The following VPS26A variants were observed in gnomAD, a reference collection of about 807,000 sequenced individuals.
VPS26A encodes the protein vacuolar protein sorting-associated protein 26A.
VPS26A carries 22 observed loss-of-function variants against 42.4 expected under a neutral mutation model. The observed-to-expected ratio is 0.52, with a 90% CI of 0.37 to 0.74. VPS26A has a LOEUF of 0.74. VPS26A is among the 30% of genes least tolerant of loss of function. VPS26A has a pLI of 0.00. For missense variants in VPS26A, 276 were observed against 379.2 expected (o/e 0.73, Z 2.26); for synonymous variants, 110 against 123.5 (o/e 0.89, Z 0.73).
At chr10:69,162,209 T>G (rs1480170505) in intron 5 of VPS26A, among the ~76,000 whole-genome samples, 197 bp from the exon 6 acceptor site, 1 of 152,042 alleles carries the variant, frequency 6.6e-6, no homozygotes, top group African/African-American at 2.4e-5. Flanking sequence ...AGGATGGTCT[T>G]GAACTCCTGA....
intron 2 of VPS26A, among the ~76,000 whole-genome samples, chr10:69,146,467 A>G (rs1012567880): frequency 3.3e-5 from 5 of 152,228 alleles, no homozygotes; most frequent in African/African-American, 1.2e-4. Flanking sequence ...AAAGTATATA[A>G]TTCAGTGGAA....
intron 1 of VPS26A, among the ~76,000 whole-genome samples, chr10:69,127,727 CTTTTTTTTTT>C (rs572346560): frequency 3.5e-5 from 3 of 85,068 alleles, no homozygotes; most frequent in African/African-American, 4.8e-5. Flanking sequence ...TTAAAAATAT[CTTTTTTTTTT>C]TTTTTTTTTT....
intron 2 of VPS26A, among the ~76,000 whole-genome samples, chr10:69,146,474 G>A (rs183052809): frequency 6.6e-6 from 1 of 152,170 alleles, no homozygotes; most frequent in East Asian, 1.9e-4. Context: ...ATAATTCAGT[G>A]GAATTAATTC....
At chr10:69,165,943 C>A in intron 6 of VPS26A, 99 bp from the exon 7 acceptor site, 1 of 1,201,612 alleles carries the variant, frequency 8.3e-7, no homozygotes, top group Non-Finnish European at 1.2e-6. Flanking sequence ...GAGACACCGT[C>A]TCTAAAAAAA....
chr10:69,152,555 T>C (rs986174511), intron 2 of VPS26A, among the ~76,000 whole-genome samples: 2 of 152,262 alleles, frequency 1.3e-5, no homozygotes, highest in African/African-American at 4.8e-5. Flanking sequence ...AATATTTTAA[T>C]CTATGCAGTT....
chr10:69,162,290 T>C, intron 5 of VPS26A, 116 bp from the exon 6 acceptor site: 1 of 540,064 alleles, frequency 1.9e-6, no homozygotes, highest in Non-Finnish European at 3.2e-6. Flanking sequence ...GTGCCCAGCC[T>C]CAAAATGGCT....
intron 1 of VPS26A, among the ~76,000 whole-genome samples, chr10:69,125,747 T>C (rs1276490707): frequency 6.6e-6 from 1 of 152,192 alleles, no homozygotes; most frequent in Admixed American, 6.5e-5. Flanking sequence ...GCTGTTTCAT[T>C]GCTTGTGTAT....
chr10:69,158,664 A>C (rs995996214), intron 5 of VPS26A, among the ~76,000 whole-genome samples: 41 of 152,008 alleles, frequency 2.7e-4, no homozygotes, highest in African/African-American at 9.7e-4. Context: ...CTTGTGTTTA[A>C]TGCCTTTTTA....
intron 2 of VPS26A, among the ~76,000 whole-genome samples, chr10:69,140,073 G>GT (rs112819751): frequency 0.045 from 6,375 of 141,788 alleles, 456 homozygotes; most frequent in African/African-American, 0.15. Flanking sequence ...TTTCCCCAAT[G>GT]TTTTTTTTTT....
chr10:69,138,481 A>G (rs1195254238), intron 2 of VPS26A, among the ~76,000 whole-genome samples: 6 of 152,178 alleles, frequency 3.9e-5, no homozygotes, highest in South Asian at 4.1e-4. Context: ...GCTAACTGGT[A>G]TGACAAGATG....
At chr10:69,140,634 C>T (rs577492500) in intron 2 of VPS26A, among the ~76,000 whole-genome samples, 101 of 152,328 alleles carry the variant, frequency 6.6e-4, no homozygotes, top group Non-Finnish European at 1.4e-3. Flanking sequence ...ATCCACCTGT[C>T]TCAGCCTCCC....
intron 3 of VPS26A, among the ~76,000 whole-genome samples, chr10:69,156,762 A>G (rs1259443407): frequency 6.6e-6 from 1 of 152,056 alleles, no homozygotes; most frequent in African/African-American, 2.4e-5. Flanking sequence ...GAGAGCCCCA[A>G]CTACATCAAA....
chr10:69,141,850 G>A (rs1841046681), intron 2 of VPS26A, among the ~76,000 whole-genome samples: 1 of 151,972 alleles, frequency 6.6e-6, no homozygotes, highest in African/African-American at 2.4e-5. Context: ...CCATGACCCA[G>A]GTATTCCTTC....
intron 1 of VPS26A, among the ~76,000 whole-genome samples, chr10:69,127,995 G>T (rs963499776): frequency 6.6e-6 from 1 of 151,846 alleles, no homozygotes; most frequent in East Asian, 1.9e-4. Flanking sequence ...ACTGTGTTCT[G>T]CTACTTTTTT....
chr10:69,151,995 T>G (rs1841322887), intron 2 of VPS26A, among the ~76,000 whole-genome samples: 1 of 152,158 alleles, frequency 6.6e-6, no homozygotes, highest in African/African-American at 2.4e-5. Context: ...CTGACTTTAA[T>G]AGTATTTTTT....
At chr10:69,136,389 T>C (rs1840910712) in intron 2 of VPS26A, among the ~76,000 whole-genome samples, 2 of 150,866 alleles carry the variant, frequency 1.3e-5, no homozygotes, top group East Asian at 2.0e-4. Context: ...CTCAGCCTCC[T>C]GAGTAGCTGG....
intron 2 of VPS26A, among the ~76,000 whole-genome samples, chr10:69,147,596 C>G (rs897269274): frequency 1.3e-5 from 2 of 152,190 alleles, no homozygotes; most frequent in African/African-American, 4.8e-5. Flanking sequence ...TGGCGTGAGG[C>G]AGCAGTCCAA....
At chr10:69,148,633 T>C (rs947960970) in intron 2 of VPS26A, among the ~76,000 whole-genome samples, 1 of 152,206 alleles carries the variant, frequency 6.6e-6, no homozygotes, top group Non-Finnish European at 1.5e-5. Flanking sequence ...ATGTTTGTCT[T>C]AAACAGTGTA....
intron 2 of VPS26A, among the ~76,000 whole-genome samples, chr10:69,151,309 G>C (rs2132219224): frequency 6.7e-6 from 1 of 148,728 alleles, no homozygotes; most frequent in African/African-American, 2.5e-5. Context: ...AATTAGCCGG[G>C]TGTGTGGTGG....
Sources: allele counts gnomAD v4.1 joint callset (sites outside exome capture counted in the v4.1 genomes callset), GRCh38; gene constraint gnomAD v4.1.1; transcripts MANE v1.5; gene names NCBI Gene and HGNC (gene_info 2026-07-23, HGNC 2026-07-21).